DNAH11: variants seen among roughly 807,000 people sequenced by gnomAD.
DNAH11 encodes dynein axonemal heavy chain 11.
Under a neutral mutation model 526.0 loss-of-function variants are expected in DNAH11, and 442 were observed. The ratio of observed to expected loss-of-function variants is 0.84; its 90% confidence interval spans 0.78 to 0.91. The LOEUF (loss-of-function observed/expected upper bound fraction) is 0.91. Ranked by LOEUF, DNAH11 falls within the 40% of genes least tolerant of loss-of-function variation. The probability of loss-of-function intolerance (pLI) is 0.00; values close to 1 mark genes in which losing one functional copy is unlikely to be tolerated. For synonymous variants in DNAH11, 2,461 were observed against 1,935.9 expected (o/e 1.27, Z -7.12); for missense variants, 6,989 against 5,448.7 (o/e 1.28, Z -8.90).
Position 21,707,745 on chromosome 7 carries a change from C to T in DNAH11, c.6593C>T (p.Pro2198Leu), listed in dbSNP as rs745741888. The change falls in exon 40 of 82, where the codon CCG becomes CTG. Residue 2198 changes from proline to leucine, a missense_variant. Transcript: ENST00000409508. Reference protein sequence around the residue: ...NRTYVNMKQKPVWNDLNPKAV... With the variant: ...NRTYVNMKQKLVWNDLNPKAV... ...ACATATGTTAACATGAAACAGAAGC[C>T]GGTTTGGAATGACTTAAACCCTAAA... The T allele has an allele frequency of 3.3e-5, 53 of 1,613,052 alleles. No homozygotes were observed. The South Asian group carries it at 3.6e-4, about 11-fold the overall frequency.
intron 25 of DNAH11, among the ~76,000 whole-genome samples, chr7:21,631,165 G>C (rs963885336): frequency 6.6e-6 from 1 of 152,154 alleles, no homozygotes; most frequent in African/African-American, 2.4e-5. Flanking sequence ...AAAACCATCA[G>C]ATCTCTTGAG....
chr7:21,599,069 A>G lies in DNAH11; in HGVS notation c.2668-718A>G, dbSNP rs372716815. On this transcript the variant is annotated intron_variant, in intron 14 of 81. Transcript: ENST00000409508. ...ACATACATGTGTGTGTCTTTATAATAGAATGATTTATATCCCTTTTGGTGT... is the reference window on the plus strand; with the variant it reads ...ACATACATGTGTGTGTCTTTATAATGGAATGATTTATATCCCTTTTGGTGT... Among the ~76,000 whole-genome samples, 173 of 152,330 alleles carry G rather than the reference A, an allele frequency of 1.1e-3. 3 individuals are homozygous for G. In the South Asian group the frequency reaches 0.035, roughly 31 times the overall value.
At chr7:21,816,182 C>G (rs1000330754) in intron 63 of DNAH11, among the ~76,000 whole-genome samples, 14 of 152,280 alleles carry the variant, frequency 9.2e-5, no homozygotes, top group South Asian at 2.1e-4. Flanking sequence ...TAAATTCACT[C>G]TTACCTAAGT....
At chr7:21,639,421 A>G (rs1187532288) in intron 28 of DNAH11, among the ~76,000 whole-genome samples, 3 of 152,170 alleles carry the variant, frequency 2.0e-5, no homozygotes, top group South Asian at 2.1e-4. Context: ...GTCACTTGGA[A>G]CAAGATCATA....
intron 65 of DNAH11, among the ~76,000 whole-genome samples, chr7:21,832,716 C>A (rs913738858): frequency 3.9e-5 from 6 of 152,178 alleles, no homozygotes; most frequent in Non-Finnish European, 8.8e-5. Context: ...CACCGTTAGC[C>A]AATGTGATCC....
intron 30 of DNAH11, 133 bp downstream of exon 30, chr7:21,659,164 T>A (rs539869312): frequency 1.3e-6 from 1 of 753,292 alleles, no homozygotes; most frequent in East Asian, 2.7e-5. Context: ...ATTTTAGCAA[T>A]CAGTTGTTAA....
At chr7:21,844,940 G>C (rs760587566) in intron 66 of DNAH11, among the ~76,000 whole-genome samples, 1 of 152,214 alleles carries the variant, frequency 6.6e-6, no homozygotes, top group Non-Finnish European at 1.5e-5. Flanking sequence ...AACATGCCAG[G>C]AGTGAGTCAT....
At chr7:21,608,472 C>A (rs1056139020) in intron 20 of DNAH11, among the ~76,000 whole-genome samples, 1 of 152,120 alleles carries the variant, frequency 6.6e-6, no homozygotes, top group Non-Finnish European at 1.5e-5. Flanking sequence ...TAGCTGGATG[C>A]GGCTGACAGA....
chr7:21,724,211 G>T (rs116764697), intron 44 of DNAH11, among the ~76,000 whole-genome samples: 1,997 of 152,336 alleles, frequency 0.013, 45 homozygotes, highest in African/African-American at 0.046. Flanking sequence ...AATATCATCT[G>T]AACTGTCCTG....
At chr7:21,817,840 GT>G (rs11358436) in intron 64 of DNAH11, among the ~76,000 whole-genome samples, 45,770 of 151,838 alleles carry the variant, frequency 0.3, 8,739 homozygotes, top group Non-Finnish European at 0.43. Flanking sequence ...AAAAATAAAA[GT>G]TTGATCAAGT....
intron 30 of DNAH11, among the ~76,000 whole-genome samples, chr7:21,661,504 T>C (rs1439716655): frequency 6.6e-6 from 1 of 152,086 alleles, no homozygotes; most frequent in African/African-American, 2.4e-5. Flanking sequence ...ATTATTGTTA[T>C]TGTAAAATCT....
intron 30 of DNAH11, among the ~76,000 whole-genome samples, chr7:21,672,750 G>A (rs1297674795): frequency 2.0e-5 from 3 of 152,092 alleles, no homozygotes; most frequent in Non-Finnish European, 2.9e-5. Flanking sequence ...TAAACCTATA[G>A]TATTTAGGGA....
chr7:21,889,010 CA>C (rs11381392), intron 76 of DNAH11, among the ~76,000 whole-genome samples: 41 of 144,956 alleles, frequency 2.8e-4, no homozygotes, highest in South Asian at 4.4e-4. Context: ...CCCACCCACC[CA>C]AAAAAAAAAA....
At chr7:21,761,244 T>C (rs530455108) in intron 54 of DNAH11, among the ~76,000 whole-genome samples, 2 of 152,220 alleles carry the variant, frequency 1.3e-5, no homozygotes, top group East Asian at 1.9e-4. Flanking sequence ...TAGAAATTAT[T>C]GAGCAGTGAG....
intron 9 of DNAH11, among the ~76,000 whole-genome samples, chr7:21,584,439 G>A (rs181771011): frequency 6.2e-4 from 94 of 152,240 alleles, no homozygotes; most frequent in African/African-American, 2.1e-3. Context: ...GGAGTGGGGG[G>A]CTAGGGGAGA....
At chr7:21,607,673 C>T (rs1371084836) in intron 20 of DNAH11, among the ~76,000 whole-genome samples, 1 of 151,864 alleles carries the variant, frequency 6.6e-6, no homozygotes, top group Admixed American at 6.6e-5. Context: ...TGGCTCACAC[C>T]TGTAACCCAG....
chr7:21,895,105 G>A (rs1236819203), intron 79 of DNAH11, 106 bp downstream of exon 79: 3 of 905,424 alleles, frequency 3.3e-6, no homozygotes, highest in East Asian at 5.1e-5. Flanking sequence ...CTTTGTGACT[G>A]TTCTCAACCT....
At chr7:21,670,147 T>C (rs376404293) in intron 30 of DNAH11, among the ~76,000 whole-genome samples, 43 of 152,246 alleles carry the variant, frequency 2.8e-4, no homozygotes, top group African/African-American at 9.6e-4. Flanking sequence ...TCAATAATTA[T>C]GGTTCTTATA....
At chr7:21,742,309 C>T in intron 49 of DNAH11, 143 bp downstream of exon 49, 1 of 1,043,890 alleles carries the variant, frequency 9.6e-7, no homozygotes, top group Non-Finnish European at 1.3e-6. Flanking sequence ...GCTTATGGTT[C>T]TGCAGGCTGT....
Sources: allele counts gnomAD v4.1 joint callset (sites outside exome capture counted in the v4.1 genomes callset), GRCh38; gene constraint gnomAD v4.1.1; transcripts MANE v1.5; gene names NCBI Gene and HGNC (gene_info 2026-07-23, HGNC 2026-07-21).